The following TXNDC16 variants were observed in gnomAD, a reference collection of about 807,000 sequenced individuals.
TXNDC16 encodes the protein thioredoxin domain-containing protein 16.
Under a neutral mutation model 85.6 loss-of-function variants are expected in TXNDC16, and 74 were observed. The ratio of observed to expected loss-of-function variants is 0.86; its 90% CI spans 0.72 to 1.05. The LOEUF is 1.05. Among genes scored for constraint, TXNDC16 ranks in the 50% least tolerant of loss-of-function variants. The pLI is 0.00. For synonymous variants in TXNDC16, 335 were observed against 326.5 expected (o/e 1.03, Z -0.28); for missense variants, 959 against 947.0 (o/e 1.01, Z -0.17).
chr14:52,479,711 G>A (rs1360751707), intron 14 of TXNDC16, among the ~76,000 whole-genome samples: 1 of 152,032 alleles, frequency 6.6e-6, no homozygotes, highest in African/African-American at 2.4e-5. Flanking sequence ...GTTCATGGAT[G>A]GGTAGAATCA....
At chr14:52,436,821 A>G (rs1346816858) in intron 20 of TXNDC16, among the ~76,000 whole-genome samples, 1 of 152,158 alleles carries the variant, frequency 6.6e-6, no homozygotes, top group Non-Finnish European at 1.5e-5. Flanking sequence ...GTGTATATAC[A>G]TACGTACACA....
At position 52,511,729 on chromosome 14, in the gene TXNDC16, A is replaced by G. The variant is rs542228588; in HGVS notation, c.606-339T>C. Among the ~76,000 whole-genome samples, 7 of 152,242 alleles carry G rather than the reference A, an allele frequency of 4.6e-5. No individual in the cohort carries two copies. The South Asian group carries it at 1.2e-3, about 27-fold the overall frequency. On this transcript the variant is annotated intron_variant, in intron 8 of 20. Transcript: ENST00000281741. Reference sequence around the variant, plus strand: ...CTGTCACCTTGCGGACAATGAGATTATCTTCAAATACAGTTGCTTTTCTAG... The same window carrying G: ...CTGTCACCTTGCGGACAATGAGATTGTCTTCAAATACAGTTGCTTTTCTAG...
chr14:52,543,044 G>A lies in TXNDC16; in HGVS notation c.160+354C>T, dbSNP rs976905465. 9.9e-5 allele frequency among the ~76,000 whole-genome samples: 15 copies of A among 151,988 alleles called. No individual in the cohort carries two copies. The South Asian group carries it at 1.7e-3, about 17-fold the overall frequency. The stretch of plus-strand genomic sequence containing the variant: ...TGTAAAAAACTTAAAATAGTTACAC[G>A]CTAAAAACATGAGAAAGTATTCTTT... On this transcript the variant is annotated intron_variant, in intron 3 of 20. Transcript: ENST00000281741.
intron 9 of TXNDC16, among the ~76,000 whole-genome samples, chr14:52,509,943 T>C (rs1028250487): frequency 1.3e-5 from 2 of 149,898 alleles, no homozygotes; most frequent in African/African-American, 4.9e-5. Context: ...ATCGCGCCAC[T>C]GCACTCCAGC....
chr14:52,544,168 A>G (rs1474114963), intron 2 of TXNDC16, 96 bp downstream of exon 2: 1 of 152,134 alleles, frequency 6.6e-6, no homozygotes, highest in African/African-American at 2.4e-5. Flanking sequence ...AAAAATTTAA[A>G]TATCTTTTTC....
intron 4 of TXNDC16, among the ~76,000 whole-genome samples, chr14:52,539,972 T>C (rs56713140): frequency 0.096 from 14,664 of 152,274 alleles, 825 homozygotes; most frequent in East Asian, 0.17. Context: ...TTACGTTTTT[T>C]TTCTGATTTG....
intron 9 of TXNDC16, among the ~76,000 whole-genome samples, chr14:52,504,695 G>A (rs1415314310): frequency 6.6e-6 from 1 of 152,176 alleles, no homozygotes; most frequent in Non-Finnish European, 1.5e-5. Flanking sequence ...ACATCATAAT[G>A]ACAGGATCAA....
intron 14 of TXNDC16, among the ~76,000 whole-genome samples, chr14:52,480,646 G>C (rs973224998): frequency 1.4e-4 from 22 of 151,994 alleles, no homozygotes; most frequent in African/African-American, 5.3e-4. Context: ...TGCAAGAATG[G>C]CCATAATCAA....
intron 6 of TXNDC16, among the ~76,000 whole-genome samples, chr14:52,519,539 G>A (rs1180254102): frequency 6.6e-6 from 1 of 152,224 alleles, no homozygotes; most frequent in Non-Finnish European, 1.5e-5. Context: ...GGTCTCAACA[G>A]ATTAAAACTG....
At position 52,493,216 on chromosome 14, in the gene TXNDC16, T is replaced by TATATATATATATATATA; in HGVS notation, c.757-2212_757-2211insTATATATATATATATAT. On this transcript the variant is annotated intron_variant, in intron 9 of 20. Coordinates refer to ENST00000281741, the MANE Select transcript of TXNDC16 (RefSeq NM_020784.3). ...TTCTATATATATATATATATATATA[T>TATATATATATATATATA]ACACACACACACACACACATATTTA... 2.2e-4 allele frequency among the ~76,000 whole-genome samples: 25 copies of TATATATATATATATATA among 115,998 alleles called. 1 individual carries two copies. Among genetic ancestry groups the TATATATATATATATATA allele is most frequent in the Admixed American group, 2.0e-3 (21 of 10,556 alleles). The allele number at this position is 115,998 out of a possible 152,430, so 76.1% of individuals were successfully genotyped here.
At chr14:52,549,810 T>G (rs1364382938) in intron 1 of TXNDC16, among the ~76,000 whole-genome samples, 1 of 152,106 alleles carries the variant, frequency 6.6e-6, no homozygotes, top group Admixed American at 6.5e-5. Flanking sequence ...GCTAATGTTT[T>G]GTATTTTTAG....
chr14:52,496,183 C>A (rs371073884), intron 9 of TXNDC16, among the ~76,000 whole-genome samples: 1 of 151,596 alleles, frequency 6.6e-6, no homozygotes, highest in South Asian at 2.1e-4. Flanking sequence ...AGAGACAGAT[C>A]ATTTTCCCCA....
intron 14 of TXNDC16, among the ~76,000 whole-genome samples, chr14:52,479,619 G>A (rs1026691204): frequency 1.2e-4 from 18 of 151,944 alleles, no homozygotes; most frequent in African/African-American, 3.9e-4. Context: ...AACCAAGGAG[G>A]TGAAAGACTT....
At chr14:52,481,342 A>T (rs2036146383) in intron 14 of TXNDC16, among the ~76,000 whole-genome samples, 1 of 152,094 alleles carries the variant, frequency 6.6e-6, no homozygotes, top group African/African-American at 2.4e-5. Flanking sequence ...CCAGTAACCT[A>T]TGGAAATAAA....
At position 52,432,444 on chromosome 14, in the gene TXNDC16, G is replaced by A; in HGVS notation, c.2338C>T (p.Gln780Ter). ...CTGACTGCCGATTTATCTTCATGTT[G>A]TTCCTTATCATTCTCCTGCACATCT... ...ETDVQENDKE[Q>*]HEDKSAVRKE... The change falls in exon 21 of 21, where the codon CAA becomes TAA. Residue 780 changes from glutamine to a stop codon, truncating the protein, a stop_gained. Transcript: ENST00000281741. LOFTEE classifies it low-confidence loss of function (END_TRUNC). The A allele has an allele frequency of 6.2e-7, 1 of 1,613,888 alleles. No individual in the cohort carries two copies. Among genetic ancestry groups the A allele is most frequent in the Non-Finnish European group, 8.5e-7 (1 of 1,179,958 alleles).
At chr14:52,482,584 TCA>T (rs1194607049) in intron 13 of TXNDC16, among the ~76,000 whole-genome samples, 1 of 152,074 alleles carries the variant, frequency 6.6e-6, no homozygotes, top group East Asian at 1.9e-4. Context: ...TTAGCGTGAG[TCA>T]CAATTTTTCA....
rs562654046 is a variant in TXNDC16, at chr14:52,431,794, A to G, written c.*510T>C. 6 of 152,284 alleles carry G rather than the reference A, an allele frequency of 3.9e-5. No individual in the cohort carries two copies. The highest frequency in any genetic ancestry group is 8.8e-5 in the Non-Finnish European group (6 of 68,076). The allele number at this position is 152,284 out of a possible 1,614,324, so 9.4% of individuals were successfully genotyped here. A position where few individuals can be genotyped will look rare whatever the true frequency, so the allele number is the denominator to read the frequency against. ...ATATCATGACTCCAATAAAACAAAT[A>G]TAACTGTCAGCTGCATGAATGCACT... On this transcript the variant is annotated 3_prime_UTR_variant, in exon 21 of 21. Coordinates refer to ENST00000281741, the MANE Select transcript of TXNDC16 (RefSeq NM_020784.3).
intron 8 of TXNDC16, among the ~76,000 whole-genome samples, chr14:52,511,752 T>C (rs2036961244): frequency 6.6e-6 from 1 of 152,160 alleles, no homozygotes; most frequent in African/African-American, 2.4e-5. Context: ...GTTGCTTTTC[T>C]AGAGCTATGC....
chr14:52,530,312 A>C (rs1288823330), intron 6 of TXNDC16, among the ~76,000 whole-genome samples: 1 of 54,682 alleles, frequency 1.8e-5, no homozygotes, highest in African/African-American at 8.5e-5. Flanking sequence ...TTAATATATA[A>C]TATATAATTA....
Sources: allele counts gnomAD v4.1 joint callset (sites outside exome capture counted in the v4.1 genomes callset), GRCh38; gene constraint gnomAD v4.1.1; transcripts MANE v1.5; gene names NCBI Gene and HGNC (gene_info 2026-07-23, HGNC 2026-07-21).